Variants in SEMA6D observed in about 807,000 individuals in gnomAD.
SEMA6D encodes the protein semaphorin-6D.
In SEMA6D, 35 loss-of-function variants were observed where a neutral mutation model predicts 106.6. The ratio of observed to expected loss-of-function variants is 0.33; its 90% CI spans 0.25 to 0.44. The LOEUF (loss-of-function observed/expected upper bound fraction) is 0.44. Among genes scored for constraint, SEMA6D ranks in the 20% least tolerant of loss-of-function variants. The pLI is 1.00. For missense variants in SEMA6D, 1,185 were observed against 1,345.9 expected (o/e 0.88, Z 1.87); for synonymous variants, 499 against 487.7 (o/e 1.02, Z -0.31).
At chr15:47,585,386 C>G (rs2143005169) in intron 3 of SEMA6D, among the ~76,000 whole-genome samples, 1 of 152,286 alleles carries the variant, frequency 6.6e-6, no homozygotes, top group South Asian at 2.1e-4. Flanking sequence ...TTATTTTAAT[C>G]TGTAAATCGG....
chr15:47,505,253 G>C (rs545521677), intron 3 of SEMA6D, among the ~76,000 whole-genome samples: 1 of 152,208 alleles, frequency 6.6e-6, no homozygotes, highest in African/African-American at 2.4e-5. Context: ...AGCTCTGCCA[G>C]CAGTAAGCTG....
chr15:47,610,641 C>T (rs1386346207), intron 4 of SEMA6D, among the ~76,000 whole-genome samples: 2 of 152,184 alleles, frequency 1.3e-5, no homozygotes, highest in African/African-American at 4.8e-5. Flanking sequence ...CTAGATATAT[C>T]TCACTCATTC....
At position 47,768,759 on chromosome 15, in the gene SEMA6D, A is replaced by T. The variant is rs1335080011; in HGVS notation, c.1933+11A>T. 6.2e-7 allele frequency: 1 copy of T among 1,608,164 alleles called. No homozygotes were observed. On this transcript the variant is annotated intron_variant, in intron 18 of 18. Transcript: ENST00000536845. The stretch of plus-strand genomic sequence containing the variant: ...CGGGTATCCCAAAGGGTAAGGCCTC[A>T]GCAGGGACCTCATCTCTAACTGCGT...
rs921961083 is a variant in SEMA6D at position 47,717,994 on chromosome 15, T to G, written c.-55+302T>G. ...CGTCAAAACTGGCAAAGCTGGCGGCTTAGGGGGAGGGGCAAGTGGACTTGG... is the reference window on the plus strand; with the variant it reads ...CGTCAAAACTGGCAAAGCTGGCGGCGTAGGGGGAGGGGCAAGTGGACTTGG... On this transcript the variant is annotated intron_variant, in intron 1 of 18. Coordinates refer to ENST00000536845, the MANE Select transcript of SEMA6D (RefSeq NM_001358351.3). 1.4e-4 allele frequency among the ~76,000 whole-genome samples: 22 copies of G among 152,244 alleles called. No homozygotes were observed. In the East Asian group the frequency reaches 4.3e-3, roughly 30 times the overall value.
chr15:47,661,025 T>C (rs1385757396), intron 4 of SEMA6D, among the ~76,000 whole-genome samples: 3 of 152,210 alleles, frequency 2.0e-5, no homozygotes, highest in East Asian at 3.8e-4. Context: ...CCATATTCAC[T>C]TAATTTTCTA....
At chr15:47,385,678 A>AT (rs34418589) in intron 1 of SEMA6D, among the ~76,000 whole-genome samples, 174 of 151,914 alleles carry the variant, frequency 1.1e-3, no homozygotes, top group African/African-American at 4.0e-3. Flanking sequence ...GCAATAAAGA[A>AT]TTTTTTTTAA....
chr15:47,760,019 T>A, intron 2 of SEMA6D, 112 bp downstream of exon 2: 1 of 816,802 alleles, frequency 1.2e-6, no homozygotes, highest in Non-Finnish European at 2.0e-6. Flanking sequence ...GTCTTAACCT[T>A]GAATTTGCAT....
intron 4 of SEMA6D, among the ~76,000 whole-genome samples, chr15:47,704,304 A>G (rs1181198893): frequency 3.9e-5 from 6 of 152,284 alleles, no homozygotes; most frequent in Admixed American, 2.6e-4. Context: ...ATGTCTTTCT[A>G]TGCATTAAGT....
At chr15:47,358,260 G>A (rs1271066486) in intron 1 of SEMA6D, among the ~76,000 whole-genome samples, 2 of 152,138 alleles carry the variant, frequency 1.3e-5, no homozygotes, top group East Asian at 1.9e-4. Flanking sequence ...TTTCCTGCAG[G>A]GAATGATTAC....
intron 4 of SEMA6D, among the ~76,000 whole-genome samples, chr15:47,668,833 C>T (rs572034407): frequency 1.2e-3 from 187 of 152,266 alleles, no homozygotes; most frequent in African/African-American, 4.4e-3. Context: ...ACTGCTCTTG[C>T]GGCAGTACCC....
intron 1 of SEMA6D, among the ~76,000 whole-genome samples, chr15:47,292,897 G>A (rs79243606): frequency 0.022 from 3,390 of 152,232 alleles, 117 homozygotes; most frequent in African/African-American, 0.077. Context: ...TTCATTTCAT[G>A]CTGCTTGGCA....
chr15:47,412,624 A>G (rs528290326), intron 2 of SEMA6D, among the ~76,000 whole-genome samples: 2 of 152,332 alleles, frequency 1.3e-5, no homozygotes, highest in African/African-American at 2.4e-5. Context: ...AGAGAAATCC[A>G]TAATCCATAA....
intron 4 of SEMA6D, among the ~76,000 whole-genome samples, chr15:47,711,625 A>G (rs987678882): frequency 5.9e-5 from 9 of 152,202 alleles, no homozygotes; most frequent in Non-Finnish European, 1.0e-4. Flanking sequence ...TTTTTATCCC[A>G]GAACATCAGC....
intron 1 of SEMA6D, among the ~76,000 whole-genome samples, chr15:47,401,408 G>GA (rs1214572605): frequency 6.6e-6 from 1 of 152,020 alleles, no homozygotes; most frequent in Non-Finnish European, 1.5e-5. Context: ...TTATAGATGA[G>GA]AAAAAATGGG....
chr15:47,725,272 A>G (rs2079669665), intron 1 of SEMA6D, among the ~76,000 whole-genome samples: 1 of 152,190 alleles, frequency 6.6e-6, no homozygotes, highest in Admixed American at 6.5e-5. Flanking sequence ...CATAGTAGAT[A>G]TGCAGCAAGT....
At chr15:47,355,831 AC>A (rs2038543738) in intron 1 of SEMA6D, among the ~76,000 whole-genome samples, 1 of 152,204 alleles carries the variant, frequency 6.6e-6, no homozygotes, top group African/African-American at 2.4e-5. Context: ...AAATTAGAAG[AC>A]CATGTTTTCC....
rs553684491 is a variant in SEMA6D, at chr15:47,542,939, G to T, written c.-86-57926G>T. ...AGGCTCAGGACAGAAGCCAGCTCAA[G>T]TGTCCTCCTTGACCTCAGGTCAAGT... is the stretch of plus-strand genomic sequence containing the variant. On this transcript the variant is annotated intron_variant, in intron 3 of 19. Transcript: ENST00000558014. Among the ~76,000 whole-genome samples, 3 of 152,232 alleles carry T rather than the reference G, an allele frequency of 2.0e-5. No individual in the cohort carries two copies. In the South Asian group the frequency reaches 6.2e-4, roughly 32 times the overall value.
Position 47,264,763 on chromosome 15 carries a change from T to G in SEMA6D, c.-239+80345T>G, listed in dbSNP as rs557064792. Among the ~76,000 whole-genome samples, 65 of 152,226 alleles carry G rather than the reference T, an allele frequency of 4.3e-4. No individual in the cohort carries two copies. In the South Asian group the frequency reaches 5.8e-3, roughly 14 times the overall value. ...TTTTTCATTAATGTTCTTTATCAAG[T>G]TGAAGAAGTTCTCTTCTATTCCTAG... is the stretch of plus-strand genomic sequence containing the variant. On this transcript the variant is annotated intron_variant, in intron 1 of 19. Coordinates refer to the SEMA6D transcript ENST00000558014.
intron 4 of SEMA6D, among the ~76,000 whole-genome samples, chr15:47,640,052 G>A (rs1431870696): frequency 2.0e-5 from 3 of 152,262 alleles, no homozygotes; most frequent in Middle Eastern, 3.4e-3. Flanking sequence ...TAGTAATGTA[G>A]GATGTTAATA....
Sources: allele counts gnomAD v4.1 joint callset (sites outside exome capture counted in the v4.1 genomes callset), GRCh38; gene constraint gnomAD v4.1.1; transcripts MANE v1.5; gene names NCBI Gene and HGNC (gene_info 2026-07-23, HGNC 2026-07-21).